The following SPCS3 variants were observed in gnomAD, a reference collection of about 807,000 sequenced individuals.
The protein encoded by SPCS3 is SPase 22 kDa subunit.
Under a neutral mutation model 17.2 loss-of-function variants are expected in SPCS3, and 9 were observed. The observed-to-expected ratio is 0.52, with a 90% CI of 0.31 to 0.91. The LOEUF is 0.91. SPCS3 is among the 40% of genes least tolerant of loss of function. The pLI, the probability that SPCS3 is intolerant of heterozygous loss-of-function variation, is 0.04. For synonymous variants in SPCS3, 87 were observed against 89.6 expected, an observed-to-expected ratio of 0.97 and a Z score of 0.16; for missense variants, 139 against 217.5, an observed-to-expected ratio of 0.64 and a Z score of 2.27.
intron 2 of SPCS3, among the ~76,000 whole-genome samples, chr4:176,322,898 A>G (rs1731556893): frequency 6.6e-6 from 1 of 152,028 alleles, no homozygotes; most frequent in Non-Finnish European, 1.5e-5. Context: ...TTCTTAGGTT[A>G]ATATCTTGGC....
At chr4:176,321,953 C>G (rs1269122210) in intron 1 of SPCS3, 11 of 379,148 alleles carry the variant, frequency 2.9e-5, no homozygotes, top group Non-Finnish European at 5.3e-5. Flanking sequence ...GTTAGGGATT[C>G]TCTTGAGGTA....
chr4:176,322,339 G>C (rs1272246458), intron 2 of SPCS3, 96 bp downstream of exon 2: 1 of 811,418 alleles, frequency 1.2e-6, no homozygotes, highest in Non-Finnish European at 2.0e-6. Flanking sequence ...CTATCTCATT[G>C]AATCAGCCAA....
chr4:176,320,004 A>C lies in SPCS3; in HGVS notation c.-73A>C, dbSNP rs148376945. 2.8e-3 allele frequency: 3,954 copies of C among 1,394,832 alleles called. 9 individuals are homozygous for C. Among genetic ancestry groups the C allele is most frequent in the Non-Finnish European group, 3.4e-3 (3,599 of 1,059,660 alleles). The allele number at this position is 1,394,832 out of a possible 1,614,324, so 86.4% of individuals were successfully genotyped here. A position where few individuals can be genotyped will look rare whatever the true frequency, so the allele number is the denominator to read the frequency against. Reference sequence around the variant, plus strand: ...GCGCACCGCAGACGGCGCGGATCGCAGGGAGCCGGTCCGCCGCCGGAACGG... The same window carrying C: ...GCGCACCGCAGACGGCGCGGATCGCCGGGAGCCGGTCCGCCGCCGGAACGG... On this transcript the variant is annotated 5_prime_UTR_variant, in exon 1 of 5. Coordinates refer to ENST00000503362, the MANE Select transcript of SPCS3 (RefSeq NM_021928.4).
In SPCS3 at chr4:176,326,301, CA is replaced by C. The variant is rs879719308; in HGVS notation, c.295-851del. On this transcript the variant is annotated intron_variant, in intron 3 of 4. Coordinates refer to ENST00000503362, the MANE Select transcript of SPCS3 (RefSeq NM_021928.4). Reference sequence around the variant, plus strand: ...GGTTGACAGAGCAAGACTCTATCTCCAAAAAAAAAAGGAAGAAATAACTGCT... The same window carrying C: ...GGTTGACAGAGCAAGACTCTATCTCCAAAAAAAAAGGAAGAAATAACTGCT... Among the ~76,000 whole-genome samples, 373 of 143,674 alleles carry C rather than the reference CA, an allele frequency of 2.6e-3. 1 individual carries two copies. Among genetic ancestry groups the C allele is most frequent in the Non-Finnish European group, 3.1e-3 (205 of 65,264 alleles). 94.3% of individuals were successfully genotyped at this position (143,674 alleles called of 152,430 possible).
chr4:176,324,146 T>C (rs762473833), intron 2 of SPCS3, 35 bp from the exon 3 acceptor site: 1 of 995,504 alleles, frequency 1.0e-6, no homozygotes, highest in South Asian at 1.7e-5. Flanking sequence ...AGTGATATAC[T>C]GCTCATAAAT....
intron 3 of SPCS3, among the ~76,000 whole-genome samples, chr4:176,325,345 C>T (rs868807982): frequency 3.3e-5 from 5 of 151,964 alleles, no homozygotes; most frequent in Non-Finnish European, 7.4e-5. Context: ...TAAGCCACCG[C>T]GCCCGGCCGT....
intron 2 of SPCS3, among the ~76,000 whole-genome samples, chr4:176,323,144 G>C (rs140964064): frequency 3.9e-4 from 59 of 152,160 alleles, no homozygotes; most frequent in African/African-American, 1.2e-3. Context: ...TAGTTCTGTA[G>C]GTACCTTTTT....
chr4:176,321,195 T>C (rs1218636883), intron 1 of SPCS3: 2 of 151,354 alleles, frequency 1.3e-5, no homozygotes, highest in Non-Finnish European at 2.9e-5. Flanking sequence ...ACTGTACTGA[T>C]GTTTGTTAGA....
At chr4:176,327,788 A>G (rs1322671281) in intron 4 of SPCS3, among the ~76,000 whole-genome samples, 1 of 152,222 alleles carries the variant, frequency 6.6e-6, no homozygotes, top group Non-Finnish European at 1.5e-5. Flanking sequence ...ACCAAGCCAA[A>G]CGTCTGTATT....
chr4:176,326,135 G>T (rs1423331632), intron 3 of SPCS3, among the ~76,000 whole-genome samples: 1 of 151,764 alleles, frequency 6.6e-6, no homozygotes, highest in Non-Finnish European at 1.5e-5. Context: ...CCCCATCTCT[G>T]CTAAAAATAC....
Position 176,328,467 on chromosome 4 carries a change from T to A in SPCS3, c.*137T>A, listed in dbSNP as rs2127002455. ...TTTTTTTTTTTTTTGGTATAAGAAC[T>A]AACATCAAAAGGCCTGTTTAAAGGG... is the stretch of plus-strand genomic sequence containing the variant. On this transcript the variant is annotated 3_prime_UTR_variant, in exon 5 of 5. Coordinates refer to ENST00000503362, the MANE Select transcript of SPCS3 (RefSeq NM_021928.4). 1 of 601,598 alleles carries A rather than the reference T, an allele frequency of 1.7e-6. No homozygotes were observed. The highest frequency in any genetic ancestry group is 2.5e-6 in the Non-Finnish European group (1 of 397,702). The allele number at this position is 601,598 out of a possible 1,614,324, so 37.3% of individuals were successfully genotyped here. A position where few individuals can be genotyped will look rare whatever the true frequency, so the allele number is the denominator to read the frequency against.
rs1186398759 is a variant in SPCS3 at position 176,330,556 on chromosome 4, C to T, written c.*2226C>T. ...TGGAGAAAGTTTTCTGTTTGCTTGA[C>T]TAAGGGAAATTGCTCAGAAAAAGAA... On this transcript the variant is annotated 3_prime_UTR_variant, in exon 5 of 5. Transcript: ENST00000503362. The T allele has an allele frequency of 6.6e-6, 1 of 152,150 alleles. No homozygotes were observed. Among genetic ancestry groups the T allele is most frequent in the Non-Finnish European group, 1.5e-5 (1 of 68,014 alleles). 9.4% of individuals were successfully genotyped at this position (152,150 alleles called of 1,614,324 possible).
intron 3 of SPCS3, chr4:176,326,939 A>C (rs1327152666): frequency 3.1e-5 from 11 of 356,614 alleles, no homozygotes; most frequent in Non-Finnish European, 5.1e-6. Flanking sequence ...AGTTAGCAGA[A>C]GGAATGAACT....
chr4:176,329,628 T>G lies in SPCS3; in HGVS notation c.*1298T>G, dbSNP rs1014756428. On this transcript the variant is annotated 3_prime_UTR_variant, in exon 5 of 5. Transcript: ENST00000503362. ...TTAAAAGCATAAGGAAATCTACATG[T>G]ATGTAAAAATAACTTAGAAATTCAG... The G allele has an allele frequency of 6.6e-6, 1 of 152,186 alleles. No individual in the cohort carries two copies. Among genetic ancestry groups the G allele is most frequent in the Non-Finnish European group, 1.5e-5 (1 of 68,010 alleles). The allele number at this position is 152,186 out of a possible 1,614,324, so 9.4% of individuals were successfully genotyped here.
rs55821823 is a variant in SPCS3, at chr4:176,328,436, GTTTTTT to G, written c.*120_*125del. The G allele has an allele frequency of 6.7e-3, 3,178 of 473,756 alleles. 1 individual carries two copies. The highest frequency in any genetic ancestry group is 0.021 in the East Asian group (397 of 19,138). The allele number at this position is 473,756 out of a possible 1,614,324, so 29.3% of individuals were successfully genotyped here. A position where few individuals can be genotyped will look rare whatever the true frequency, so the allele number is the denominator to read the frequency against. On this transcript the variant is annotated 3_prime_UTR_variant, in exon 5 of 5. Transcript: ENST00000503362. The stretch of plus-strand genomic sequence containing the variant: ...TTGTTGGTTTGTTTTTTGGTTTTGG[GTTTTTT>G]TTTTTTTTTTTTTGGTATAAGAACT...
At chr4:176,326,728 G>A (rs562228767) in intron 3 of SPCS3, among the ~76,000 whole-genome samples, 3 of 152,268 alleles carry the variant, frequency 2.0e-5, no homozygotes, top group Admixed American at 1.3e-4. Flanking sequence ...ACAGGGATTG[G>A]CTCTTGTCTG....
At chr4:176,326,131 C>A (rs2127001533) in intron 3 of SPCS3, among the ~76,000 whole-genome samples, 1 of 152,066 alleles carries the variant, frequency 6.6e-6, no homozygotes, top group African/African-American at 2.4e-5. Flanking sequence ...GAAACCCCAT[C>A]TCTGCTAAAA....
At position 176,329,938 on chromosome 4, in the gene SPCS3, C is replaced by T. The variant is rs1374045772; in HGVS notation, c.*1608C>T. 6.6e-6 allele frequency: 1 copy of T among 152,024 alleles called. No individual in the cohort carries two copies. The highest frequency in any genetic ancestry group is 1.5e-5 in the Non-Finnish European group (1 of 67,982). 9.4% of individuals were successfully genotyped at this position (152,024 alleles called of 1,614,324 possible). A position where few individuals can be genotyped will look rare whatever the true frequency, so the allele number is the denominator to read the frequency against. ...GGAGTTGTATAGTTCATGCAAAAGC[C>T]TGTGGGTATGGGTTTTTCAAACCAG... On this transcript the variant is annotated 3_prime_UTR_variant, in exon 5 of 5. Coordinates refer to ENST00000503362, the MANE Select transcript of SPCS3 (RefSeq NM_021928.4).
rs988840447 is a variant in SPCS3, at chr4:176,329,725, C to T, written c.*1395C>T. Reference sequence around the variant, plus strand: ...TTTTCTGCAGTGGACAAATAAACATCCTCAAAGTAGCAACTGCAAATCAGT... The same window carrying T: ...TTTTCTGCAGTGGACAAATAAACATTCTCAAAGTAGCAACTGCAAATCAGT... On this transcript the variant is annotated 3_prime_UTR_variant, in exon 5 of 5. Coordinates refer to ENST00000503362, the MANE Select transcript of SPCS3 (RefSeq NM_021928.4). 7.9e-5 allele frequency: 12 copies of T among 151,696 alleles called. No homozygotes were observed. Among genetic ancestry groups the T allele is most frequent in the Admixed American group, 4.6e-4 (7 of 15,226 alleles). The allele number at this position is 151,696 out of a possible 1,614,324, so 9.4% of individuals were successfully genotyped here.
Sources: allele counts gnomAD v4.1 joint callset (sites outside exome capture counted in the v4.1 genomes callset), GRCh38; gene constraint gnomAD v4.1.1; transcripts MANE v1.5; gene names NCBI Gene and HGNC (gene_info 2026-07-23, HGNC 2026-07-21).